The following HLCS variants were observed in gnomAD, a reference collection of about 807,000 sequenced individuals.
HLCS encodes the protein biotin--protein ligase.
Under a neutral mutation model 75.0 loss-of-function variants are expected in HLCS, and 53 were observed. That is an observed-to-expected ratio of 0.71 (90% CI 0.57 to 0.89). The LOEUF (loss-of-function observed/expected upper bound fraction) is 0.89, where lower values mean the gene tolerates loss of function less well. Among genes scored for constraint, HLCS ranks in the 40% least tolerant of loss-of-function variants. The pLI is 0.00. For synonymous variants in HLCS, 431 were observed against 428.6 expected (o/e 1.01, Z -0.07); for missense variants, 966 against 1,074.0 (o/e 0.90, Z 1.41).
chr21:36,833,522 T>C (rs1253111334), intron 6 of HLCS, among the ~76,000 whole-genome samples: 1 of 150,442 alleles, frequency 6.6e-6, no homozygotes, highest in African/African-American at 2.5e-5. Flanking sequence ...GAGGTGGAGG[T>C]TGCAGTGAGC....
intron 4 of HLCS, among the ~76,000 whole-genome samples, chr21:36,931,718 C>T (rs531045323): frequency 1.3e-5 from 2 of 150,832 alleles, no homozygotes; most frequent in African/African-American, 4.9e-5. Flanking sequence ...CACTGCACTC[C>T]AGCCTGGGCA....
intron 2 of HLCS, among the ~76,000 whole-genome samples, chr21:36,951,280 T>G (rs942491892): frequency 6.6e-6 from 1 of 152,202 alleles, no homozygotes; most frequent in African/African-American, 2.4e-5. Flanking sequence ...TGGCCTTATC[T>G]AGGGCCATTC....
At chr21:36,760,149 G>C (rs370148634) in intron 8 of HLCS, among the ~76,000 whole-genome samples, 1 of 152,140 alleles carries the variant, frequency 6.6e-6, no homozygotes, top group Non-Finnish European at 1.5e-5. Context: ...CATTATGTCA[G>C]TATCCACCAC....
At chr21:36,904,687 T>C (rs2065377189) in intron 5 of HLCS, among the ~76,000 whole-genome samples, 1 of 152,218 alleles carries the variant, frequency 6.6e-6, no homozygotes, top group South Asian at 2.1e-4. Context: ...CTGAATAAAA[T>C]TCTGGTTGTA....
intron 6 of HLCS, among the ~76,000 whole-genome samples, chr21:36,795,238 C>T (rs2060991694): frequency 6.6e-6 from 1 of 152,156 alleles, no homozygotes; most frequent in Non-Finnish European, 1.5e-5. Flanking sequence ...TGTCATCACA[C>T]TGGAACCGCA....
intron 6 of HLCS, among the ~76,000 whole-genome samples, chr21:36,896,348 T>TCAAA (rs1221013991): frequency 6.6e-6 from 1 of 152,218 alleles, no homozygotes; most frequent in Non-Finnish European, 1.5e-5. Flanking sequence ...AGATCCTATC[T>TCAAA]CAATCAATCA....
At chr21:36,977,036 G>C (rs562307088) in intron 1 of HLCS, among the ~76,000 whole-genome samples, 1 of 152,092 alleles carries the variant, frequency 6.6e-6, no homozygotes, top group East Asian at 1.9e-4. Context: ...CCTATACATA[G>C]TAGGTGCTCA....
chr21:36,908,212 C>T (rs1347789785), intron 5 of HLCS, among the ~76,000 whole-genome samples: 2 of 151,874 alleles, frequency 1.3e-5, no homozygotes, highest in Non-Finnish European at 2.9e-5. Flanking sequence ...CAGTGACACC[C>T]AGTCTCTACA....
intron 1 of HLCS, among the ~76,000 whole-genome samples, chr21:36,965,656 G>C (rs962246483): frequency 3.9e-5 from 6 of 152,230 alleles, no homozygotes; most frequent in Admixed American, 6.5e-5. Flanking sequence ...GATGGAGAGG[G>C]AAAAGGGCAG....
chr21:36,823,613 G>T (rs991122805), intron 6 of HLCS, among the ~76,000 whole-genome samples: 7 of 138,952 alleles, frequency 5.0e-5, no homozygotes, highest in Non-Finnish European at 1.1e-4. Context: ...CGTGCAGGGT[G>T]TGTGTGTGTG....
intron 6 of HLCS, among the ~76,000 whole-genome samples, chr21:36,874,475 G>C (rs1352640056): frequency 6.6e-6 from 1 of 151,926 alleles, no homozygotes; most frequent in Non-Finnish European, 1.5e-5. Context: ...TCTATTTCCA[G>C]GGTATTCTGC....
At chr21:36,932,275 T>C (rs2066681548) in intron 4 of HLCS, among the ~76,000 whole-genome samples, 2 of 152,240 alleles carry the variant, frequency 1.3e-5, no homozygotes, top group Non-Finnish European at 2.9e-5. Flanking sequence ...AAATACACTA[T>C]GGGAACTGAC....
chr21:36,907,807 A>T (rs988940263), intron 5 of HLCS, among the ~76,000 whole-genome samples: 3 of 152,214 alleles, frequency 2.0e-5, no homozygotes, highest in Admixed American at 1.3e-4. Context: ...GAAAACAAAC[A>T]ATTCAACTTA....
At chr21:36,832,269 G>C (rs2062238625) in intron 6 of HLCS, among the ~76,000 whole-genome samples, 1 of 152,198 alleles carries the variant, frequency 6.6e-6, no homozygotes, top group Non-Finnish European at 1.5e-5. Flanking sequence ...TGAGGAGGAA[G>C]AGGATGGAAA....
chr21:36,879,256 A>C (rs2064111745), intron 6 of HLCS, among the ~76,000 whole-genome samples: 1 of 152,218 alleles, frequency 6.6e-6, no homozygotes, highest in African/African-American at 2.4e-5. Context: ...CTTCCAGAAA[A>C]GAAAGATTGT....
At chr21:36,929,767 G>A (rs1306566968) in intron 5 of HLCS, among the ~76,000 whole-genome samples, 1 of 152,246 alleles carries the variant, frequency 6.6e-6, no homozygotes, top group African/African-American at 2.4e-5. Context: ...AGCAAGTGCA[G>A]GCATGGGCCA....
chr21:36,897,950 C>A (rs1463462788), intron 5 of HLCS, among the ~76,000 whole-genome samples: 1 of 152,162 alleles, frequency 6.6e-6, no homozygotes, highest in Non-Finnish European at 1.5e-5. Flanking sequence ...TTACTAAGAT[C>A]TCAGTAAACA....
chr21:36,934,053 G>A (rs1246108180), intron 4 of HLCS, among the ~76,000 whole-genome samples: 2 of 152,106 alleles, frequency 1.3e-5, no homozygotes, highest in Non-Finnish European at 1.5e-5. Context: ...CTGGTTCTAC[G>A]CTCCCAATTA....
At chr21:36,954,488 C>T (rs925696205) in intron 2 of HLCS, among the ~76,000 whole-genome samples, 1 of 151,446 alleles carries the variant, frequency 6.6e-6, no homozygotes, top group African/African-American at 2.4e-5. Flanking sequence ...TGGTGGCGGG[C>T]GCCTGTAGTC....
Sources: gnomAD v4.1 joint callset for allele counts (sites outside exome capture counted in the v4.1 genomes callset) on GRCh38, gnomAD v4.1.1 for gene constraint, MANE v1.5 for transcripts, NCBI Gene and HGNC (gene_info 2026-07-23, HGNC 2026-07-21) for gene names.